Variants in EML6 observed in about 807,000 individuals in gnomAD.
EML6 encodes EMAP like 6.
EML6 carries 154 observed loss-of-function variants against 240.1 expected under a neutral mutation model. The observed-to-expected ratio is 0.64, with a 90% confidence interval of 0.56 to 0.73. EML6 has a LOEUF of 0.73. Among genes scored for constraint, EML6 ranks in the 30% least tolerant of loss-of-function variants. The pLI is 0.00. For missense variants in EML6, 2,964 were observed against 2,474.6 expected, an observed-to-expected ratio of 1.20 and a Z score of -4.20; for synonymous variants, 1,148 against 899.0, an observed-to-expected ratio of 1.28 and a Z score of -4.95.
At chr2:54,816,512 C>T (rs1445335178) in intron 3 of EML6, among the ~76,000 whole-genome samples, 2 of 152,062 alleles carry the variant, frequency 1.3e-5, no homozygotes, top group Non-Finnish European at 2.9e-5. Flanking sequence ...TTTCTATTGA[C>T]GTTTCAGAGA....
intron 12 of EML6, among the ~76,000 whole-genome samples, chr2:54,860,623 A>C (rs1036777832): frequency 2.6e-5 from 4 of 152,174 alleles, no homozygotes; most frequent in Admixed American, 1.3e-4. Context: ...TGAGCTCCCC[A>C]ACTTTTATAG....
chr2:54,968,522 G>C, intron 40 of EML6, 146 bp from the exon 41 acceptor site: 1 of 675,098 alleles, frequency 1.5e-6, no homozygotes, highest in South Asian at 1.9e-5. Flanking sequence ...GTCAGCCAAA[G>C]GCTGGCTAAT....
At chr2:54,795,103 G>C (rs1669688551) in intron 2 of EML6, among the ~76,000 whole-genome samples, 1 of 152,088 alleles carries the variant, frequency 6.6e-6, no homozygotes, top group African/African-American at 2.4e-5. Context: ...TTGGTCTTAA[G>C]CTTCTGGAGG....
At chr2:54,895,201 T>C (rs974803248) in intron 20 of EML6, 72 bp from the exon 21 acceptor site, 13 of 1,495,484 alleles carry the variant, frequency 8.7e-6, no homozygotes, top group South Asian at 1.2e-5. Flanking sequence ...TCTTTGGAGC[T>C]ATAAAAATTG....
intron 2 of EML6, among the ~76,000 whole-genome samples, chr2:54,746,783 C>T (rs1447831568): frequency 6.6e-6 from 1 of 152,152 alleles, no homozygotes; most frequent in Non-Finnish European, 1.5e-5. Context: ...AATTCAGCAG[C>T]TAGCTTTTTC....
At chr2:54,933,848 C>T (rs1432167069) in intron 28 of EML6, among the ~76,000 whole-genome samples, 2 of 152,176 alleles carry the variant, frequency 1.3e-5, no homozygotes, top group Non-Finnish European at 2.9e-5. Context: ...GTTGCCACAT[C>T]CAGGATCTGA....
chr2:54,933,172 C>T (rs1332566682), intron 28 of EML6, among the ~76,000 whole-genome samples: 3 of 152,152 alleles, frequency 2.0e-5, no homozygotes, highest in Non-Finnish European at 2.9e-5. Context: ...TTCACAAGTT[C>T]CCCCTACAAA....
chr2:54,816,966 T>G, intron 4 of EML6, 81 bp downstream of exon 4: 2 of 831,340 alleles, frequency 2.4e-6, no homozygotes, highest in Non-Finnish European at 4.0e-6. Context: ...TTCTAATGTT[T>G]TTAACAGTAA....
chr2:54,871,476 A>C (rs1390370164), intron 15 of EML6, 24 bp from the exon 16 acceptor site: 1 of 1,504,714 alleles, frequency 6.6e-7, no homozygotes, highest in Non-Finnish European at 9.1e-7. Flanking sequence ...TTAGTAGTTA[A>C]TAACAGTCAT....
chr2:54,781,308 G>T (rs1001690662), intron 2 of EML6, among the ~76,000 whole-genome samples: 3 of 152,162 alleles, frequency 2.0e-5, no homozygotes, highest in African/African-American at 7.2e-5. Flanking sequence ...CATTCTTGTC[G>T]AGACCCTTCT....
In EML6 at chr2:54,952,597, G is replaced by A. The variant is rs1023953590; in HGVS notation, c.4217G>A (p.Ser1406Asn). The stretch of plus-strand genomic sequence containing the variant: ...TCCCATGATCTCTCTCCCCCAGGGA[G>A]CCAGAGCTTCTATCTGGAGCACACA... ...AGIVQNLSTG[S>N]QSFYLEHTDD... The change falls in exon 31 of 42, where the codon AGC becomes AAC. Residue 1406 changes from serine (S) to asparagine (N), a missense_variant. Physicochemically the swap from Ser to Asn is conservative, Grantham distance 46. Coordinates refer to ENST00000356458, the MANE Select transcript of EML6 (RefSeq NM_001039753.4). The A allele has an allele frequency of 1.3e-6, 2 of 1,549,508 alleles. No individual in the cohort carries two copies. The highest frequency in any genetic ancestry group is 1.7e-6 in the Non-Finnish European group (2 of 1,145,410).
At chr2:54,795,844 C>A (rs1445238616) in intron 2 of EML6, among the ~76,000 whole-genome samples, 2 of 152,172 alleles carry the variant, frequency 1.3e-5, no homozygotes, top group African/African-American at 4.8e-5. Flanking sequence ...GGGTATTAGG[C>A]AGCTACATCT....
intron 2 of EML6, among the ~76,000 whole-genome samples, chr2:54,744,627 T>C (rs1248800131): frequency 1.3e-5 from 2 of 151,054 alleles, no homozygotes; most frequent in South Asian, 2.1e-4. Flanking sequence ...GGGGCATTCA[T>C]GGGATGAGGA....
At chr2:54,864,414 T>C (rs1479639968) in intron 13 of EML6, among the ~76,000 whole-genome samples, 1 of 152,220 alleles carries the variant, frequency 6.6e-6, no homozygotes, top group Non-Finnish European at 1.5e-5. Flanking sequence ...AAATTACCTC[T>C]AGTAGGAAAG....
chr2:54,868,222 A>T (rs937925755), intron 14 of EML6: 3 of 152,048 alleles, frequency 2.0e-5, no homozygotes, highest in Non-Finnish European at 4.4e-5. Flanking sequence ...GGATCATGTT[A>T]TTTTTCTGTT....
At chr2:54,781,241 G>A (rs1315724725) in intron 2 of EML6, among the ~76,000 whole-genome samples, 1 of 152,184 alleles carries the variant, frequency 6.6e-6, no homozygotes, top group Admixed American at 6.5e-5. Flanking sequence ...TGGCATAAGT[G>A]TTGAGAGACT....
chr2:54,845,340 T>C (rs900937728), intron 8 of EML6, among the ~76,000 whole-genome samples: 3 of 152,214 alleles, frequency 2.0e-5, no homozygotes, highest in Admixed American at 6.5e-5. Context: ...TTTTCCCGCT[T>C]ATTCAGACAC....
At chr2:54,850,554 A>G (rs1376653713) in intron 10 of EML6, among the ~76,000 whole-genome samples, 1 of 149,654 alleles carries the variant, frequency 6.7e-6, no homozygotes, top group Non-Finnish European at 1.5e-5. Context: ...GAATATATAA[A>G]GAATGCCTAA....
At chr2:54,773,813 A>G (rs1668492666) in intron 2 of EML6, among the ~76,000 whole-genome samples, 1 of 152,230 alleles carries the variant, frequency 6.6e-6, no homozygotes, top group Non-Finnish European at 1.5e-5. Flanking sequence ...CGCTTCTCCT[A>G]AGGAAAAGTA....
Sources: allele counts gnomAD v4.1 joint callset (sites outside exome capture counted in the v4.1 genomes callset), GRCh38; gene constraint gnomAD v4.1.1; transcripts MANE v1.5; gene names NCBI Gene and HGNC (gene_info 2026-07-23, HGNC 2026-07-21).